AMBRA1: variants seen among roughly 807,000 people sequenced by gnomAD.
AMBRA1 encodes autophagy and beclin 1 regulator 1.
In AMBRA1, 47 loss-of-function variants were observed where a neutral mutation model predicts 125.4. The ratio of observed to expected loss-of-function variants is 0.37; its 90% CI spans 0.30 to 0.48. The LOEUF (loss-of-function observed/expected upper bound fraction) is 0.48. AMBRA1 is among the 20% of genes least tolerant of loss of function. AMBRA1 has a pLI of 0.99. For missense variants in AMBRA1, 1,331 were observed against 1,693.4 expected (o/e 0.79, Z 3.76); for synonymous variants, 626 against 655.5 (o/e 0.95, Z 0.69).
At chr11:46,514,492 G>C (rs1488866971) in intron 7 of AMBRA1, among the ~76,000 whole-genome samples, 1 of 152,152 alleles carries the variant, frequency 6.6e-6, no homozygotes, top group African/African-American at 2.4e-5. Flanking sequence ...ACATCTCTCT[G>C]GTTGAAAGAC....
chr11:46,493,587 G>A (rs1442977591), intron 11 of AMBRA1, 21 bp downstream of exon 11: 1 of 1,591,996 alleles, frequency 6.3e-7, no homozygotes, highest in Non-Finnish European at 8.6e-7. Context: ...ATTTTCAAAA[G>A]CCAAAGAAAC....
At chr11:46,537,476 C>T (rs1275427239) in intron 7 of AMBRA1, among the ~76,000 whole-genome samples, 1 of 152,142 alleles carries the variant, frequency 6.6e-6, no homozygotes, top group Non-Finnish European at 1.5e-5. Flanking sequence ...AAACCATTTT[C>T]TTTTTCCTAG....
intron 11 of AMBRA1, among the ~76,000 whole-genome samples, chr11:46,484,575 C>G (rs1950197202): frequency 6.6e-6 from 1 of 152,112 alleles, no homozygotes; most frequent in South Asian, 2.1e-4. Flanking sequence ...CTACTTTGTA[C>G]TAACTTACAT....
intron 11 of AMBRA1, among the ~76,000 whole-genome samples, chr11:46,462,419 C>T (rs758210123): frequency 3.9e-5 from 6 of 152,216 alleles, no homozygotes; most frequent in Non-Finnish European, 7.3e-5. Flanking sequence ...CGTCTGTCTT[C>T]AATGCCAGAT....
chr11:46,536,412 G>A (rs550752657), intron 7 of AMBRA1, among the ~76,000 whole-genome samples: 1 of 152,180 alleles, frequency 6.6e-6, no homozygotes, highest in African/African-American at 2.4e-5. Context: ...CAAGGGACAC[G>A]GTGACAGCTG....
chr11:46,584,453 GC>G (rs2044295711), intron 1 of AMBRA1, among the ~76,000 whole-genome samples: 1 of 150,764 alleles, frequency 6.6e-6, no homozygotes, highest in Non-Finnish European at 1.5e-5. Flanking sequence ...CAGCACACCA[GC>G]ATGGCACATG....
intron 1 of AMBRA1, among the ~76,000 whole-genome samples, chr11:46,550,426 C>T (rs557304604): frequency 6.6e-6 from 1 of 152,274 alleles, no homozygotes; most frequent in South Asian, 2.1e-4. Context: ...AGCCAGACCT[C>T]TCTTTATAAA....
At chr11:46,418,122 T>C (rs1590749705) in intron 14 of AMBRA1, 70 bp from the exon 15 acceptor site, 3 of 1,427,318 alleles carry the variant, frequency 2.1e-6, no homozygotes, top group Non-Finnish European at 2.8e-6. Context: ...AATAACAAAA[T>C]CCAGGGAGAA....
In AMBRA1 at chr11:46,493,725, C is replaced by T; in HGVS notation, c.2421-17G>A. ...AAGAAACGCCTACAAGAAGGAATCA[C>T]ATGTGAAAAGCTGACTAAAGACTAC... On this transcript the variant is annotated splice_polypyrimidine_tract_variant and intron_variant, in intron 10 of 17. Coordinates refer to ENST00000683756, the MANE Select transcript of AMBRA1 (RefSeq NM_001387011.1). 6.3e-7 allele frequency: 1 copy of T among 1,576,570 alleles called. No individual in the cohort carries two copies. The highest frequency in any genetic ancestry group is 8.6e-7 in the Non-Finnish European group (1 of 1,167,488).
intron 5 of AMBRA1, among the ~76,000 whole-genome samples, chr11:46,544,384 C>G (rs1952898486): frequency 6.6e-6 from 1 of 152,172 alleles, no homozygotes; most frequent in Non-Finnish European, 1.5e-5. Flanking sequence ...GCCACAGAAT[C>G]AGTTCTTCCC....
Position 46,439,405 on chromosome 11 carries a change from A to T in AMBRA1, c.2632+4083T>A, listed in dbSNP as rs551579253. ...AGAAATATATCTAAATACAGAAAAG[A>T]AATTAATAGTATGATGAAGATGACA... On this transcript the variant is annotated intron_variant, in intron 12 of 17. Transcript: ENST00000683756. 3.3e-5 allele frequency among the ~76,000 whole-genome samples: 5 copies of T among 152,348 alleles called. No individual in the cohort carries two copies. In the South Asian group the frequency reaches 1.0e-3, roughly 32 times the overall value.
At chr11:46,425,444 A>C (rs1448966268) in intron 14 of AMBRA1, among the ~76,000 whole-genome samples, 2 of 152,078 alleles carry the variant, frequency 1.3e-5, no homozygotes, top group African/African-American at 4.8e-5. Flanking sequence ...TCTTGAAAAA[A>C]AGGATGTTTT....
chr11:46,509,431 T>C (rs555693238), intron 8 of AMBRA1, among the ~76,000 whole-genome samples: 1 of 152,292 alleles, frequency 6.6e-6, no homozygotes, highest in East Asian at 1.9e-4. Context: ...CAGGCACACT[T>C]GACTCAATAA....
intron 12 of AMBRA1, among the ~76,000 whole-genome samples, chr11:46,441,251 C>A (rs552453788): frequency 6.6e-6 from 1 of 152,270 alleles, no homozygotes; most frequent in Non-Finnish European, 1.5e-5. Context: ...CGGTGGCTCA[C>A]GCCTGTAATC....
At chr11:46,494,461 GC>G (rs1950565647) in intron 9 of AMBRA1, 1 of 387,024 alleles carries the variant, frequency 2.6e-6, no homozygotes, top group African/African-American at 2.0e-5. Flanking sequence ...TGGTCCCTTA[GC>G]GTCTCAAACT....
chr11:46,396,650 C>T lies in AMBRA1; in HGVS notation c.*800G>A, dbSNP rs1288872316. 2.0e-5 allele frequency: 3 copies of T among 152,862 alleles called. No individual in the cohort carries two copies. The highest frequency in any genetic ancestry group is 1.9e-4 in the East Asian group (1 of 5,178). 9.5% of individuals were successfully genotyped at this position (152,862 alleles called of 1,614,324 possible). ...CACAGACTGAGACCTCACATTCTGA[C>T]CTGGAGTCTCCTCCCCTTCCCCAGC... is the stretch of plus-strand genomic sequence containing the variant. On this transcript the variant is annotated 3_prime_UTR_variant, in exon 18 of 18. Transcript: ENST00000683756.
intron 1 of AMBRA1, among the ~76,000 whole-genome samples, chr11:46,577,070 A>C (rs532657637): frequency 1.3e-5 from 2 of 152,352 alleles, no homozygotes; most frequent in African/African-American, 4.8e-5. Flanking sequence ...AACATGTCAG[A>C]AGATCATTAA....
chr11:46,447,188 C>T (rs1346037783), intron 11 of AMBRA1, among the ~76,000 whole-genome samples: 2 of 151,874 alleles, frequency 1.3e-5, no homozygotes, highest in Non-Finnish European at 2.9e-5. Context: ...GTGGGCAGAT[C>T]ACTTGAGCCC....
At chr11:46,404,483 G>C (rs936642258) in intron 17 of AMBRA1, among the ~76,000 whole-genome samples, 11 of 152,244 alleles carry the variant, frequency 7.2e-5, no homozygotes, top group African/African-American at 2.4e-4. Context: ...CAAGGCTGGA[G>C]AATGACACCC....
Sources: gnomAD v4.1 joint callset for allele counts (sites outside exome capture counted in the v4.1 genomes callset) on GRCh38, gnomAD v4.1.1 for gene constraint, MANE v1.5 for transcripts, NCBI Gene and HGNC (gene_info 2026-07-23, HGNC 2026-07-21) for gene names.